SLC25A12: variants seen among roughly 807,000 people sequenced by gnomAD.
SLC25A12 encodes solute carrier family 25 member 12.
Under a neutral mutation model 83.3 loss-of-function variants are expected in SLC25A12, and 32 were observed. The observed-to-expected ratio is 0.38, with a 90% CI of 0.29 to 0.52. SLC25A12 has a LOEUF of 0.52. SLC25A12 is among the 20% of genes least tolerant of loss of function. The pLI, the probability that SLC25A12 is intolerant of heterozygous loss-of-function variation, is 0.84. For missense variants in SLC25A12, 611 were observed against 835.6 expected (o/e 0.73, Z 3.31); for synonymous variants, 267 against 291.1 (o/e 0.92, Z 0.84).
intron 2 of SLC25A12, among the ~76,000 whole-genome samples, chr2:171,881,845 G>C (rs1339211262): frequency 6.6e-6 from 1 of 152,070 alleles, no homozygotes; most frequent in Non-Finnish European, 1.5e-5. Flanking sequence ...GGGAGGGGTA[G>C]GGTAAGGACA....
intron 9 of SLC25A12, 30 bp downstream of exon 9, chr2:171,826,768 A>C: frequency 8.0e-7 from 1 of 1,244,788 alleles, no homozygotes; most frequent in Non-Finnish European, 1.2e-6. Flanking sequence ...CATTTTTTTA[A>C]GGTGATCATA....
Position 171,789,390 on chromosome 2 carries a change from G to A in SLC25A12, c.1586-1443C>T, listed in dbSNP as rs556321121. Reference sequence around the variant, plus strand: ...ACTACAGAAGCCCGCCACCACGCCCGGCTAATTTTTTGTATTTTTAGTAGA... The same window carrying A: ...ACTACAGAAGCCCGCCACCACGCCCAGCTAATTTTTTGTATTTTTAGTAGA... On this transcript the variant is annotated intron_variant, in intron 15 of 17. Transcript: ENST00000422440. 4.6e-4 allele frequency among the ~76,000 whole-genome samples: 70 copies of A among 151,592 alleles called. No individual in the cohort carries two copies. The East Asian group carries it at 5.3e-3, about 11-fold the overall frequency.
At chr2:171,808,928 C>T (rs1237260350) in intron 13 of SLC25A12, among the ~76,000 whole-genome samples, 1 of 142,208 alleles carries the variant, frequency 7.0e-6, no homozygotes, top group Non-Finnish European at 1.5e-5. Context: ...TTGTTCAATT[C>T]CCACCTATGA....
rs151330491 is a variant in SLC25A12 at position 171,807,361 on chromosome 2, T to C, written c.1305+2245A>G. ...ACCCTCAAGGCAACCCAGACTTCAA[T>C]AGAAATTCCTAAAGTTCAAACCTAT... On this transcript the variant is annotated intron_variant, in intron 13 of 17. Transcript: ENST00000422440. Among the ~76,000 whole-genome samples the C allele has an allele frequency of 7.8e-4, 119 of 152,256 alleles. 1 individual carries two copies. The highest frequency in any genetic ancestry group is 2.5e-3 in the African/African-American group (104 of 41,544).
At chr2:171,791,420 T>C (rs764578798) in intron 15 of SLC25A12, 31 bp downstream of exon 15, 1 of 1,587,976 alleles carries the variant, frequency 6.3e-7, no homozygotes, top group Non-Finnish European at 8.6e-7. Flanking sequence ...AATGGGAGAA[T>C]TCTTTCAGTT....
intron 2 of SLC25A12, among the ~76,000 whole-genome samples, chr2:171,881,878 G>C (rs1327179276): frequency 2.6e-5 from 4 of 151,968 alleles, no homozygotes; most frequent in Admixed American, 1.3e-4. Flanking sequence ...GGGAGAGGAA[G>C]ACCACCATAA....
rs1685010945 is a variant in SLC25A12, at chr2:171,854,720, TC to T, written c.325+1113del. Among the ~76,000 whole-genome samples, 5 of 152,212 alleles carry T rather than the reference TC, an allele frequency of 3.3e-5. No individual in the cohort carries two copies. In the South Asian group the frequency reaches 1.0e-3, roughly 32 times the overall value. On this transcript the variant is annotated intron_variant, in intron 4 of 17. Transcript: ENST00000422440. The stretch of plus-strand genomic sequence containing the variant: ...AAAATTACAGCCAAGGCACTACTGA[TC>T]CTTCTGATTGACTGACCTGTACTTT...
chr2:171,837,418 ATTTCTTTC>A, intron 5 of SLC25A12, 151 bp from the exon 6 acceptor site: 1 of 811,510 alleles, frequency 1.2e-6, no homozygotes, highest in Admixed American at 2.4e-5. Flanking sequence ...AAAACTTTTA[ATTTCTTTC>A]AAAAAGCATG....
At chr2:171,810,466 C>T (rs1290029905) in intron 11 of SLC25A12, among the ~76,000 whole-genome samples, 190 bp from the exon 12 acceptor site, 1 of 152,144 alleles carries the variant, frequency 6.6e-6, no homozygotes, top group African/African-American at 2.4e-5. Flanking sequence ...AGTATAATGT[C>T]ACGTTTTCTT....
At position 171,783,628 on chromosome 2, in the gene SLC25A12, A is replaced by AG. The variant is rs2105827572; in HGVS notation, c.*1645dup. On this transcript the variant is annotated 3_prime_UTR_variant, in exon 18 of 18. Coordinates refer to ENST00000422440, the MANE Select transcript of SLC25A12 (RefSeq NM_003705.5). ...GCCAGGAAGTGGTGGAGGTAGAAGG[A>AG]GGGTAAGCGGGACACTTTCCCATCT... is the stretch of plus-strand genomic sequence containing the variant. 6.6e-6 allele frequency among the ~76,000 whole-genome samples: 1 copy of AG among 152,324 alleles called. No individual in the cohort carries two copies. The highest frequency in any genetic ancestry group is 6.5e-5 in the Admixed American group (1 of 15,288).
intron 13 of SLC25A12, among the ~76,000 whole-genome samples, chr2:171,796,952 C>T (rs550646418): frequency 6.6e-6 from 1 of 152,256 alleles, no homozygotes; most frequent in East Asian, 1.9e-4. Flanking sequence ...TTCAATTATA[C>T]TGGTAATAAA....
intron 15 of SLC25A12, chr2:171,788,179 A>G (rs575097472): frequency 4.0e-6 from 2 of 501,222 alleles, no homozygotes; most frequent in South Asian, 4.8e-5. Context: ...AAATCACTCT[A>G]CATTGCATGA....
intron 13 of SLC25A12, among the ~76,000 whole-genome samples, chr2:171,805,805 G>C (rs1265772191): frequency 6.6e-6 from 1 of 152,128 alleles, no homozygotes; most frequent in Non-Finnish European, 1.5e-5. Flanking sequence ...GTATTCTTTT[G>C]CATGTATCAA....
chr2:171,875,377 G>A lies in SLC25A12; in HGVS notation c.67-6554C>T, dbSNP rs560308072. On this transcript the variant is annotated intron_variant, in intron 2 of 17. Transcript: ENST00000422440. Reference sequence around the variant, plus strand: ...TCATTCTTTCCTTGCTTTGCTGGGCGTTTTGTCCAACTCTGTTCAAAATGC... The same window carrying A: ...TCATTCTTTCCTTGCTTTGCTGGGCATTTTGTCCAACTCTGTTCAAAATGC... Among the ~76,000 whole-genome samples, 621 of 152,156 alleles carry A rather than the reference G, an allele frequency of 4.1e-3. 5 individuals are homozygous for A. Among genetic ancestry groups the A allele is most frequent in the Non-Finnish European group, 7.3e-3 (499 of 68,020 alleles).
intron 9 of SLC25A12, among the ~76,000 whole-genome samples, chr2:171,818,430 T>C (rs1031676489): frequency 4.6e-5 from 7 of 151,988 alleles, no homozygotes; most frequent in African/African-American, 1.7e-4. Context: ...AGACCTCATT[T>C]AAAGAGATGT....
At chr2:171,800,524 T>C (rs1176958720) in intron 13 of SLC25A12, among the ~76,000 whole-genome samples, 4 of 152,208 alleles carry the variant, frequency 2.6e-5, no homozygotes, top group Non-Finnish European at 4.4e-5. Flanking sequence ...ACTTGTACAC[T>C]GCTTAGGAGA....
chr2:171,879,682 G>A (rs995527435), intron 2 of SLC25A12, among the ~76,000 whole-genome samples: 5 of 152,066 alleles, frequency 3.3e-5, no homozygotes, highest in Admixed American at 2.0e-4. Context: ...AGTAACCATG[G>A]GAACATACAA....
At chr2:171,837,653 T>A (rs1684586105) in intron 5 of SLC25A12, among the ~76,000 whole-genome samples, 1 of 152,158 alleles carries the variant, frequency 6.6e-6, no homozygotes, top group African/African-American at 2.4e-5. Flanking sequence ...CATCAAAGAG[T>A]ACTTCATGAA....
chr2:171,788,685 A>T (rs141411958), intron 15 of SLC25A12: 1 of 152,604 alleles, frequency 6.6e-6, no homozygotes, highest in Admixed American at 6.5e-5. Context: ...AAAGGAGCAA[A>T]ATAATCTTCC....
Sources: gnomAD v4.1 joint callset for allele counts (sites outside exome capture counted in the v4.1 genomes callset) on GRCh38, gnomAD v4.1.1 for gene constraint, MANE v1.5 for transcripts, NCBI Gene and HGNC (gene_info 2026-07-23, HGNC 2026-07-21) for gene names.